Variants in PARD3B observed in about 807,000 individuals in gnomAD.
PARD3B encodes par-3 family cell polarity regulator beta, also known as partitioning defective 3 homolog B.
In PARD3B, 103 loss-of-function variants were observed where a neutral mutation model predicts 130.2. The ratio of observed to expected loss-of-function variants is 0.79; its 90% CI spans 0.67 to 0.93. The LOEUF (loss-of-function observed/expected upper bound fraction) is 0.93. PARD3B is among the 40% of genes least tolerant of loss of function. PARD3B has a pLI of 0.00. For missense variants in PARD3B, 1,609 were observed against 1,499.2 expected (o/e 1.07, Z -1.21); for synonymous variants, 583 against 553.2 (o/e 1.05, Z -0.76).
chr2:204,856,194 A>G (rs1341934755), intron 2 of PARD3B, among the ~76,000 whole-genome samples: 2 of 152,084 alleles, frequency 1.3e-5, no homozygotes, highest in Non-Finnish European at 2.9e-5. Flanking sequence ...TTTCCTCCAT[A>G]TCTTCACCAA....
rs781674638 is a variant in PARD3B at position 205,301,637 on chromosome 2, C to T, written c.2566C>T (p.Arg856Cys). ...CAAATTGAAAGTCAAGGAGAAAAAG[C>T]GCAAAGAGGAGAATGAAGATCCAGA... is the stretch of plus-strand genomic sequence containing the variant. The part of the protein sequence containing the change: ...KGKLKVKEKK[R>C]KEENEDPERK... Residue 856 changes from arginine (R) to cysteine (C), a missense_variant, in exon 18 of 23, where the codon CGC becomes TGC. By Grantham distance (180) the Arg-to-Cys change is radical (BLOSUM62 -3). Coordinates refer to ENST00000406610, the MANE Select transcript of PARD3B (RefSeq NM_001302769.2). This position sits in a 1 kb window ranked among gnomAD's most constrained non-coding sequence, Gnocchi z 5.2. 3.7e-6 allele frequency: 6 copies of T among 1,612,808 alleles called. No individual in the cohort carries two copies. The highest frequency in any genetic ancestry group is 1.7e-4 in the Middle Eastern group (1 of 6,056).
chr2:204,824,119 A>G (rs1332741244), intron 2 of PARD3B, among the ~76,000 whole-genome samples: 4 of 152,184 alleles, frequency 2.6e-5, no homozygotes, highest in Admixed American at 1.3e-4. Context: ...GTTTCAAGGC[A>G]TCAAGTTGTC....
chr2:204,682,234 T>C (rs1392241684), intron 1 of PARD3B, among the ~76,000 whole-genome samples: 2 of 152,170 alleles, frequency 1.3e-5, no homozygotes, highest in African/African-American at 2.4e-5. Flanking sequence ...TCCTTGGTAA[T>C]TGTGCTTTGT....
In PARD3B at chr2:205,618,499, A is replaced by G. The variant is rs1196910769; in HGVS notation, c.*2686A>G. The G allele has an allele frequency of 6.6e-6, 1 of 152,120 alleles. No individual in the cohort carries two copies. Among genetic ancestry groups the G allele is most frequent in the East Asian group, 1.9e-4 (1 of 5,182 alleles). 9.4% of individuals were successfully genotyped at this position (152,120 alleles called of 1,614,324 possible). ...CCAATTTATTTATGGCCTTGGGAAA[A>G]CTCAATCCGGTGTCTCCTTGTAGCT... On this transcript the variant is annotated 3_prime_UTR_variant, in exon 23 of 23. Coordinates refer to ENST00000406610, the MANE Select transcript of PARD3B (RefSeq NM_001302769.2).
At chr2:205,086,029 G>T (rs1701721492) in intron 4 of PARD3B, among the ~76,000 whole-genome samples, 1 of 152,178 alleles carries the variant, frequency 6.6e-6, no homozygotes, top group Admixed American at 6.5e-5. Context: ...ATGCCTTCAA[G>T]AACTTGTGGT....
At chr2:204,773,661 A>G (rs2041488621) in intron 2 of PARD3B, among the ~76,000 whole-genome samples, 1 of 152,138 alleles carries the variant, frequency 6.6e-6, no homozygotes, top group Admixed American at 6.6e-5. Flanking sequence ...ACAAAAATGC[A>G]AAATATAAAT....
chr2:204,560,067 T>C (rs746322784), intron 1 of PARD3B, among the ~76,000 whole-genome samples: 12 of 152,072 alleles, frequency 7.9e-5, no homozygotes, highest in Non-Finnish European at 1.6e-4. Flanking sequence ...AGGGATAGCA[T>C]TGGGAGAAAT....
intron 4 of PARD3B, among the ~76,000 whole-genome samples, chr2:205,101,875 G>A (rs1702810641): frequency 6.6e-6 from 1 of 152,158 alleles, no homozygotes; most frequent in African/African-American, 2.4e-5. Context: ...GGGAAGGGGA[G>A]GATGAGGAAT....
At chr2:204,861,924 CAAA>C (rs60473341) in intron 2 of PARD3B, among the ~76,000 whole-genome samples, 408 of 34,044 alleles carry the variant, frequency 0.012, 3 homozygotes, top group African/African-American at 0.026. Context: ...AGACATTTCT[CAAA>C]AAAAAAAAAA....
At chr2:204,915,358 A>G (rs934993466) in intron 2 of PARD3B, among the ~76,000 whole-genome samples, 8 of 152,158 alleles carry the variant, frequency 5.3e-5, no homozygotes, top group African/African-American at 1.9e-4. Flanking sequence ...TCCCAAAATG[A>G]AGCTGTATTT....
At chr2:205,597,615 C>T (rs1259644556) in intron 22 of PARD3B, among the ~76,000 whole-genome samples, 5 of 152,178 alleles carry the variant, frequency 3.3e-5, no homozygotes, top group East Asian at 1.9e-4. Context: ...TCCACAGTGG[C>T]TGGATTAACT....
chr2:205,054,432 ATATATT>A (rs1363271706), intron 4 of PARD3B, among the ~76,000 whole-genome samples: 2 of 30,976 alleles, frequency 6.5e-5, no homozygotes, highest in African/African-American at 3.1e-4. Flanking sequence ...ATATATATAT[ATATATT>A]TTTTTTTTTT....
chr2:205,210,515 C>T (rs11901441), intron 15 of PARD3B, among the ~76,000 whole-genome samples: 25,618 of 152,022 alleles, frequency 0.17, 2,507 homozygotes, highest in African/African-American at 0.27. Context: ...TTCTTCACTT[C>T]TAGAAACAGG....
chr2:204,850,424 A>G (rs1212843045), intron 2 of PARD3B, among the ~76,000 whole-genome samples: 1 of 151,984 alleles, frequency 6.6e-6, no homozygotes, highest in Non-Finnish European at 1.5e-5. Context: ...ATTGGGACTC[A>G]TAGGCTTTTG....
chr2:205,063,131 G>A (rs925147911), intron 4 of PARD3B, among the ~76,000 whole-genome samples: 2 of 152,096 alleles, frequency 1.3e-5, no homozygotes, highest in Admixed American at 1.3e-4. Context: ...AACTACCAAA[G>A]TAACCGTTTA....
chr2:204,682,955 T>A (rs17637976), intron 1 of PARD3B, among the ~76,000 whole-genome samples: 6,934 of 152,256 alleles, frequency 0.046, 446 homozygotes, highest in East Asian at 0.14. Flanking sequence ...TTGGTGCTAT[T>A]AGTATTAAAG....
In PARD3B at chr2:205,380,226, T is replaced by A. The variant is rs183212117; in HGVS notation, c.2631-20787T>A. 1.2e-3 allele frequency among the ~76,000 whole-genome samples: 45 copies of A among 36,694 alleles called. 3 individuals carry two copies. In the East Asian group the frequency reaches 0.013, roughly 10 times the overall value. The allele number at this position is 36,694 out of a possible 152,430, so 24.1% of individuals were successfully genotyped here. A position where few individuals can be genotyped will look rare whatever the true frequency, so the allele number is the denominator to read the frequency against. ...ATATGTAAAGAATATATATTATATA[T>A]TATGTAAAGAATATATATTATATAT... On this transcript the variant is annotated intron_variant, in intron 18 of 22. Transcript: ENST00000406610.
chr2:205,495,611 C>T (rs536090184), intron 20 of PARD3B, among the ~76,000 whole-genome samples: 13 of 152,148 alleles, frequency 8.5e-5, no homozygotes, highest in African/African-American at 2.2e-4. Context: ...ATAGAACAAA[C>T]GACATATAAA....
At chr2:204,756,849 T>C (rs148408111) in intron 2 of PARD3B, among the ~76,000 whole-genome samples, 1 of 152,154 alleles carries the variant, frequency 6.6e-6, no homozygotes, top group African/African-American at 2.4e-5. Flanking sequence ...GGGCTTCTAA[T>C]GATCCCATCA....
Sources: gnomAD v4.1 joint callset for allele counts (sites outside exome capture counted in the v4.1 genomes callset) on GRCh38, gnomAD v4.1.1 for gene constraint, Gnocchi (gnomAD v3.1) non-coding constraint, MANE v1.5 for transcripts, NCBI Gene and HGNC (gene_info 2026-07-23, HGNC 2026-07-21) for gene names.